The following ELOVL2 variants were observed in gnomAD, a reference collection of about 807,000 sequenced individuals.
The protein encoded by ELOVL2 is ELOVL fatty acid elongase 2.
ELOVL2 carries 38 observed loss-of-function variants against 37.7 expected under a neutral mutation model. That is an observed-to-expected ratio of 1.01 (90% CI 0.78 to 1.32). The LOEUF (loss-of-function observed/expected upper bound fraction) is 1.32, where lower values mean the gene tolerates loss of function less well. ELOVL2 is among the 40% of genes most tolerant of loss of function. The probability of loss-of-function intolerance (pLI) is 0.00; values close to 1 mark genes in which losing one functional copy is unlikely to be tolerated. For missense variants in ELOVL2, 352 were observed against 363.6 expected (o/e 0.97, Z 0.26); for synonymous variants, 115 against 122.3 (o/e 0.94, Z 0.40).
At position 10,983,022 on chromosome 6, in the gene ELOVL2, T is replaced by G. The variant is rs1437803249; in HGVS notation, c.*759A>C. 1.3e-5 allele frequency: 2 copies of G among 152,202 alleles called. No individual in the cohort carries two copies. Among genetic ancestry groups the G allele is most frequent in the African/African-American group, 4.8e-5 (2 of 41,454 alleles). The allele number at this position is 152,202 out of a possible 1,614,324, so 9.4% of individuals were successfully genotyped here. On this transcript the variant is annotated 3_prime_UTR_variant, in exon 8 of 8. Transcript: ENST00000354666. ...AGCATGGCATCTGTATAACCTAGGC[T>G]GACTGGCACAAGAGGGAGACATGAA...
chr6:11,025,878 G>GT (rs1471809036), intron 1 of ELOVL2, among the ~76,000 whole-genome samples: 3 of 152,176 alleles, frequency 2.0e-5, no homozygotes, highest in Non-Finnish European at 4.4e-5. Flanking sequence ...TTTTAGAACT[G>GT]TATCATTATA....
intron 7 of ELOVL2, among the ~76,000 whole-genome samples, chr6:10,984,256 G>T (rs1213589350): frequency 6.6e-6 from 1 of 152,130 alleles, no homozygotes; most frequent in Non-Finnish European, 1.5e-5. Context: ...GACCTCAGAT[G>T]ATCCACCCGC....
intron 4 of ELOVL2, among the ~76,000 whole-genome samples, chr6:10,995,557 C>T (rs970284135): frequency 3.9e-5 from 6 of 152,202 alleles, no homozygotes; most frequent in Non-Finnish European, 8.8e-5. Flanking sequence ...GCTTACTCCT[C>T]CTCCAGCCAT....
intron 1 of ELOVL2, among the ~76,000 whole-genome samples, chr6:11,042,849 A>T (rs114991273): frequency 0.01 from 1,524 of 152,308 alleles, 23 homozygotes; most frequent in African/African-American, 0.035. Flanking sequence ...GGGTTAATTC[A>T]AAAGAGTTAT....
chr6:10,990,077 A>AACTT (rs1405108460), intron 6 of ELOVL2, among the ~76,000 whole-genome samples: 3 of 152,252 alleles, frequency 2.0e-5, no homozygotes, highest in African/African-American at 7.2e-5. Flanking sequence ...AAAAGGATTT[A>AACTT]ACTTACACAT....
intron 1 of ELOVL2, among the ~76,000 whole-genome samples, chr6:11,027,095 T>G (rs1323373244): frequency 6.6e-6 from 1 of 152,242 alleles, no homozygotes; most frequent in African/African-American, 2.4e-5. Context: ...AAGAGATTTA[T>G]ATCTTTAGAT....
intron 1 of ELOVL2, among the ~76,000 whole-genome samples, chr6:11,036,177 T>C (rs1410255268): frequency 1.3e-5 from 2 of 152,206 alleles, no homozygotes; most frequent in Non-Finnish European, 2.9e-5. Context: ...ACTTTTAAAA[T>C]TGTAAACAGA....
intron 7 of ELOVL2, among the ~76,000 whole-genome samples, chr6:10,985,049 T>C (rs1221824219): frequency 2.0e-5 from 3 of 152,170 alleles, no homozygotes; most frequent in South Asian, 2.1e-4. Flanking sequence ...TTTTAATGAC[T>C]GCCATTCTAA....
chr6:11,023,609 T>C (rs1782798641), intron 1 of ELOVL2, among the ~76,000 whole-genome samples: 1 of 152,148 alleles, frequency 6.6e-6, no homozygotes, highest in Non-Finnish European at 1.5e-5. Flanking sequence ...TTTTCCTTCT[T>C]TTAAGCTATA....
intron 7 of ELOVL2, among the ~76,000 whole-genome samples, chr6:10,985,037 CTT>C (rs574823543): frequency 5.9e-4 from 90 of 152,260 alleles, no homozygotes; most frequent in African/African-American, 1.9e-3. Context: ...TGTTTCCTGA[CTT>C]TTTAATGACT....
rs1782560721 is a variant in ELOVL2, at chr6:11,010,803, G to A, written c.10C>T (p.Leu4=). 1.2e-6 allele frequency: 2 copies of A among 1,607,230 alleles called. No homozygotes were observed. Among genetic ancestry groups the A allele is most frequent in the Admixed American group, 3.4e-5 (2 of 58,608 alleles). The change falls in exon 2 of 8, where the codon CTA becomes TTA. Residue 4 remains leucine (L), a synonymous_variant. Transcript: ENST00000354666. ...TTGATTTCATCATCAAAGGCCTTTA[G>A]ATGTTCCTAAAAAGAGAAAGAAAAA... MEH[L]KAFDDEINAF... is the part of the protein sequence containing the mutation.
At chr6:10,989,945 T>C in intron 6 of ELOVL2, 108 bp from the exon 7 acceptor site, 1 of 1,323,554 alleles carries the variant, frequency 7.6e-7, no homozygotes, top group Middle Eastern at 2.5e-4. Flanking sequence ...CTCTTGGAAT[T>C]ATGTAGGAAC....
At chr6:11,021,606 G>A (rs1782766447) in intron 1 of ELOVL2, among the ~76,000 whole-genome samples, 2 of 152,012 alleles carry the variant, frequency 1.3e-5, no homozygotes, top group Non-Finnish European at 2.9e-5. Flanking sequence ...AGATATTGAG[G>A]CAGCAGTAAT....
At chr6:11,020,645 G>C (rs1782752718) in intron 1 of ELOVL2, among the ~76,000 whole-genome samples, 2 of 152,164 alleles carry the variant, frequency 1.3e-5, no homozygotes, top group Non-Finnish European at 2.9e-5. Context: ...CACAGTAAGA[G>C]AAGGATTTTA....
chr6:11,039,706 G>C (rs1783071421), intron 1 of ELOVL2, among the ~76,000 whole-genome samples: 2 of 152,148 alleles, frequency 1.3e-5, no homozygotes, highest in Admixed American at 6.6e-5. Context: ...AAAACTCAAA[G>C]AATGATTTCA....
chr6:11,036,810 AT>A (rs773396989), intron 1 of ELOVL2, among the ~76,000 whole-genome samples: 2 of 152,186 alleles, frequency 1.3e-5, no homozygotes, highest in Non-Finnish European at 2.9e-5. Context: ...AAAATAGAAC[AT>A]CAGTTGTTCA....
At chr6:11,001,175 G>T (rs116502457) in intron 3 of ELOVL2, among the ~76,000 whole-genome samples, 3,567 of 152,266 alleles carry the variant, frequency 0.023, 129 homozygotes, top group African/African-American at 0.08. Flanking sequence ...TAGAGAGAGA[G>T]AGATTACTAA....
chr6:11,041,436 CTTTAAAAATTGA>C (rs967934351), intron 1 of ELOVL2, among the ~76,000 whole-genome samples: 6 of 152,138 alleles, frequency 3.9e-5, no homozygotes, highest in Non-Finnish European at 7.4e-5. Context: ...CAACTGGATA[CTTTAAAAATTGA>C]TTTTTTACTC....
intron 3 of ELOVL2, 152 bp from the exon 4 acceptor site, chr6:11,000,316 C>A: frequency 1.5e-6 from 1 of 679,188 alleles, no homozygotes; most frequent in South Asian, 1.8e-5. Context: ...CCTCAAACAC[C>A]TATTATCAGG....
Sources: allele counts gnomAD v4.1 joint callset (sites outside exome capture counted in the v4.1 genomes callset), GRCh38; gene constraint gnomAD v4.1.1; transcripts MANE v1.5; gene names NCBI Gene and HGNC (gene_info 2026-07-23, HGNC 2026-07-21).